The following PAX5 variants were observed in gnomAD, a reference collection of about 807,000 sequenced individuals.
PAX5 encodes the protein paired box protein Pax-5.
Under a neutral mutation model 43.7 loss-of-function variants are expected in PAX5, and 9 were observed. The ratio of observed to expected loss-of-function variants is 0.21; its 90% CI spans 0.12 to 0.36. The LOEUF (loss-of-function observed/expected upper bound fraction) is 0.36. Among genes scored for constraint, PAX5 ranks in the 10% least tolerant of loss-of-function variants. PAX5 has a pLI of 1.00. For missense variants in PAX5, 383 were observed against 532.7 expected (o/e 0.72, Z 2.77); for synonymous variants, 228 against 214.3 (o/e 1.06, Z -0.56).
chr9:36,842,371 C>A (rs79920469), intron 9 of PAX5, among the ~76,000 whole-genome samples: 1 of 152,094 alleles, frequency 6.6e-6, no homozygotes, highest in African/African-American at 2.4e-5. Flanking sequence ...GCCCTACACA[C>A]GGGCCCCAGA....
intron 1 of PAX5, chr9:37,026,743 G>T (rs1246153830): frequency 8.1e-6 from 8 of 984,328 alleles, no homozygotes; most frequent in South Asian, 9.4e-5. Context: ...GCTGGAGACC[G>T]CCCGGAGCTG....
At chr9:36,924,841 G>GAGAA (rs370282418) in intron 6 of PAX5, among the ~76,000 whole-genome samples, 7 of 136,756 alleles carry the variant, frequency 5.1e-5, no homozygotes, top group South Asian at 2.5e-4. Flanking sequence ...GGGAGAGAAA[G>GAGAA]GGAGGGAGGG....
chr9:36,914,366 A>T (rs936013704), intron 7 of PAX5, among the ~76,000 whole-genome samples: 3 of 152,178 alleles, frequency 2.0e-5, no homozygotes, highest in African/African-American at 7.2e-5. Flanking sequence ...TTCCTCACCT[A>T]TTTGTAAAAT....
At chr9:36,974,994 A>G (rs10814495) in intron 5 of PAX5, among the ~76,000 whole-genome samples, 88,525 of 151,914 alleles carry the variant, frequency 0.58, 28,114 homozygotes, top group East Asian at 0.79. Flanking sequence ...TCTCCTGCCC[A>G]GCAAGACTCA....
chr9:37,029,112 A>G (rs1248084234), intron 1 of PAX5, among the ~76,000 whole-genome samples: 1 of 152,216 alleles, frequency 6.6e-6, no homozygotes, highest in African/African-American at 2.4e-5. Flanking sequence ...ATGATCCGCT[A>G]ATATTAAACA....
intron 1 of PAX5, among the ~76,000 whole-genome samples, chr9:37,021,246 GAAC>G (rs1320244766): frequency 6.6e-6 from 1 of 152,096 alleles, no homozygotes; most frequent in Admixed American, 6.5e-5. Context: ...AAAGTGAAAA[GAAC>G]AACTCCAATA....
chr9:36,997,590 G>T (rs962181487), intron 5 of PAX5, among the ~76,000 whole-genome samples: 1 of 152,236 alleles, frequency 6.6e-6, no homozygotes, highest in East Asian at 1.9e-4. Context: ...TGGGCCTTCC[G>T]GAGAGGGAGG....
At chr9:37,010,448 G>A (rs148030372) in intron 3 of PAX5, among the ~76,000 whole-genome samples, 28 of 152,236 alleles carry the variant, frequency 1.8e-4, no homozygotes, top group Non-Finnish European at 2.8e-4. Flanking sequence ...CAAAGGAAGC[G>A]CGGTCCCTCT....
chr9:37,002,359 G>A (rs1208470710), intron 5 of PAX5, among the ~76,000 whole-genome samples: 1 of 152,164 alleles, frequency 6.6e-6, no homozygotes, highest in African/African-American at 2.4e-5. Context: ...TCTTCTTAAA[G>A]GCCAAAGCTC....
At chr9:36,993,794 A>G (rs972754384) in intron 5 of PAX5, among the ~76,000 whole-genome samples, 3 of 151,848 alleles carry the variant, frequency 2.0e-5, no homozygotes, top group Non-Finnish European at 2.9e-5. Context: ...ATCCCCCTCC[A>G]TCGGCCCCAC....
At chr9:36,983,434 GA>G (rs1836107084) in intron 5 of PAX5, among the ~76,000 whole-genome samples, 1 of 152,150 alleles carries the variant, frequency 6.6e-6, no homozygotes, top group South Asian at 2.1e-4. Context: ...TTTACATAAT[GA>G]AAATATATCA....
intron 7 of PAX5, among the ~76,000 whole-genome samples, chr9:36,903,812 C>T (rs11790233): frequency 0.017 from 2,551 of 152,336 alleles, 30 homozygotes; most frequent in Middle Eastern, 0.061. Context: ...CCATCAGTCC[C>T]GGCCCCTACA....
chr9:36,938,539 T>G (rs994958980), intron 6 of PAX5, among the ~76,000 whole-genome samples: 3 of 152,190 alleles, frequency 2.0e-5, no homozygotes, highest in Admixed American at 1.3e-4. Flanking sequence ...GCAACTGAGA[T>G]GTTCACATCT....
At chr9:36,851,517 T>C (rs1412407462) in intron 8 of PAX5, among the ~76,000 whole-genome samples, 1 of 152,126 alleles carries the variant, frequency 6.6e-6, no homozygotes, top group African/African-American at 2.4e-5. Context: ...CCGAGAAGCC[T>C]GAGCCTGAGG....
chr9:36,864,021 A>C (rs1824532238), intron 8 of PAX5, among the ~76,000 whole-genome samples: 1 of 152,204 alleles, frequency 6.6e-6, no homozygotes, highest in African/African-American at 2.4e-5. Flanking sequence ...AGGTAGAAGA[A>C]TTGCTTGAAC....
chr9:36,848,501 G>A (rs1361044451), intron 8 of PAX5, among the ~76,000 whole-genome samples: 1 of 152,162 alleles, frequency 6.6e-6, no homozygotes, highest in Non-Finnish European at 1.5e-5. Flanking sequence ...CATGCAGAGG[G>A]AGAGCCCGAT....
At chr9:36,941,644 C>T (rs573301465) in intron 6 of PAX5, among the ~76,000 whole-genome samples, 3 of 152,304 alleles carry the variant, frequency 2.0e-5, no homozygotes, top group Non-Finnish European at 2.9e-5. Flanking sequence ...TCAGACTCCC[C>T]CTCTTTGCCT....
intron 6 of PAX5, among the ~76,000 whole-genome samples, chr9:36,941,353 G>A (rs996501295): frequency 2.6e-5 from 4 of 152,160 alleles, no homozygotes; most frequent in African/African-American, 7.2e-5. Flanking sequence ...TTTTACTACC[G>A]CTATTATTCC....
At chr9:36,934,012 G>T (rs934545264) in intron 6 of PAX5, among the ~76,000 whole-genome samples, 1 of 152,202 alleles carries the variant, frequency 6.6e-6, no homozygotes, top group African/African-American at 2.4e-5. Context: ...GAAGGGCTTA[G>T]GTTCCCTCTG....
Sources: allele counts gnomAD v4.1 joint callset (sites outside exome capture counted in the v4.1 genomes callset), GRCh38; gene constraint gnomAD v4.1.1; transcripts MANE v1.5; gene names NCBI Gene and HGNC (gene_info 2026-07-23, HGNC 2026-07-21).